Variants in KYNU observed in about 807,000 individuals in gnomAD.
The protein encoded by KYNU is L-kynurenine hydrolase.
In KYNU, 54 loss-of-function variants were observed where a neutral mutation model predicts 59.2. The ratio of observed to expected loss-of-function variants is 0.91; its 90% confidence interval spans 0.73 to 1.14. The LOEUF is 1.14. KYNU is among the 50% of genes most tolerant of loss of function. The probability of loss-of-function intolerance (pLI) is 0.00; values close to 1 mark genes in which losing one functional copy is unlikely to be tolerated. For synonymous variants in KYNU, 177 were observed against 192.0 expected (o/e 0.92, Z 0.65); for missense variants, 567 against 554.4 (o/e 1.02, Z -0.23).
intron 4 of KYNU, chr2:142,947,303 C>A (rs1683822355): frequency 3.0e-6 from 4 of 1,355,132 alleles, no homozygotes; most frequent in South Asian, 1.3e-5. Flanking sequence ...CACTACACAC[C>A]TGTGTCATAG....
At chr2:142,984,611 T>G (rs1187261539) in intron 8 of KYNU, among the ~76,000 whole-genome samples, 1 of 152,034 alleles carries the variant, frequency 6.6e-6, no homozygotes, top group Non-Finnish European at 1.5e-5. Flanking sequence ...GTCAAGGGTT[T>G]TATGTGTACT....
At chr2:142,976,540 G>A (rs1684887971) in intron 8 of KYNU, among the ~76,000 whole-genome samples, 1 of 152,102 alleles carries the variant, frequency 6.6e-6, no homozygotes, top group South Asian at 2.1e-4. Context: ...AAGGTTTTTT[G>A]TAATGATCGC....
intron 2 of KYNU, among the ~76,000 whole-genome samples, chr2:142,911,752 T>C (rs1239189689): frequency 1.3e-5 from 2 of 152,162 alleles, no homozygotes; most frequent in African/African-American, 4.8e-5. Flanking sequence ...GTTTTTATCA[T>C]GAAGGGATAT....
At chr2:142,972,032 A>G (rs1180984859) in intron 8 of KYNU, among the ~76,000 whole-genome samples, 1 of 152,184 alleles carries the variant, frequency 6.6e-6, no homozygotes, top group African/African-American at 2.4e-5. Context: ...AATAAATCAA[A>G]CAAACTACAT....
chr2:142,973,465 C>A (rs1430652874), intron 8 of KYNU, among the ~76,000 whole-genome samples: 1 of 152,210 alleles, frequency 6.6e-6, no homozygotes, highest in East Asian at 1.9e-4. Context: ...CCCCTTTTAT[C>A]TCCTTCTGGC....
At chr2:143,034,117 T>C (rs377573496) in intron 12 of KYNU, among the ~76,000 whole-genome samples, 2 of 151,440 alleles carry the variant, frequency 1.3e-5, no homozygotes, top group South Asian at 2.1e-4. Flanking sequence ...ATATAGGTTA[T>C]ATAGTATAAA....
rs1489493909 is a variant in KYNU, at chr2:143,040,311, G to C, written c.1042-117G>C. On this transcript the variant is annotated intron_variant, in intron 12 of 13. Coordinates refer to ENST00000264170, the MANE Select transcript of KYNU (RefSeq NM_003937.3). The stretch of plus-strand genomic sequence containing the variant: ...TACACAAAAAGATTATGTAAAGGGA[G>C]ATATTTATTGGAAAGATCAAATATG... 1.4e-5 allele frequency: 10 copies of C among 718,806 alleles called. No homozygotes were observed. The Admixed American group carries it at 1.7e-4, about 12-fold the overall frequency. The allele number at this position is 718,806 out of a possible 1,614,324, so 44.5% of individuals were successfully genotyped here.
chr2:143,022,971 T>G (rs1025201936), intron 10 of KYNU, among the ~76,000 whole-genome samples: 4 of 152,000 alleles, frequency 2.6e-5, no homozygotes, highest in Non-Finnish European at 5.9e-5. Context: ...AACTATTAAT[T>G]TCAGCTTTTT....
chr2:143,026,592 C>T (rs1686571367), intron 10 of KYNU, among the ~76,000 whole-genome samples: 1 of 152,212 alleles, frequency 6.6e-6, no homozygotes, highest in Non-Finnish European at 1.5e-5. Flanking sequence ...GGAGGGAGCG[C>T]ACAGGTGAGC....
At chr2:142,994,240 C>G (rs189056904) in intron 10 of KYNU, among the ~76,000 whole-genome samples, 3 of 151,956 alleles carry the variant, frequency 2.0e-5, no homozygotes, top group Admixed American at 1.3e-4. Flanking sequence ...AGCAGCATTG[C>G]GAGCTGCCTC....
intron 3 of KYNU, among the ~76,000 whole-genome samples, chr2:142,927,079 C>G (rs1451035282): frequency 6.6e-6 from 1 of 152,120 alleles, no homozygotes; most frequent in Non-Finnish European, 1.5e-5. Flanking sequence ...GGGATACTTA[C>G]TAGAATAATA....
intron 10 of KYNU, among the ~76,000 whole-genome samples, chr2:142,991,558 T>G (rs1056246307): frequency 6.6e-6 from 1 of 151,926 alleles, no homozygotes; most frequent in Non-Finnish European, 1.5e-5. Flanking sequence ...CTACAACTTC[T>G]TGGCTTCTCA....
intron 3 of KYNU, among the ~76,000 whole-genome samples, chr2:142,923,030 C>A (rs1388325773): frequency 6.6e-6 from 1 of 152,146 alleles, no homozygotes. Flanking sequence ...ACCTGCCTCC[C>A]ACCTGTTTTA....
At position 143,042,302 on chromosome 2, in the gene KYNU, T is replaced by C. The variant is rs1363132553; in HGVS notation, c.*130T>C. 1.1e-6 allele frequency: 1 copy of C among 919,224 alleles called. No individual in the cohort carries two copies. The highest frequency in any genetic ancestry group is 3.5e-4 in the Middle Eastern group (1 of 2,844). The allele number at this position is 919,224 out of a possible 1,614,324, so 56.9% of individuals were successfully genotyped here. A position where few individuals can be genotyped will look rare whatever the true frequency, so the allele number is the denominator to read the frequency against. ...TGTAACTAACAATAAATAATATACC[T>C]TACAGAAAATCTGATATAATTTTTC... On this transcript the variant is annotated 3_prime_UTR_variant, in exon 14 of 14. Transcript: ENST00000264170.
chr2:142,904,267 T>G (rs1682207386), intron 2 of KYNU, among the ~76,000 whole-genome samples: 1 of 152,228 alleles, frequency 6.6e-6, no homozygotes, highest in Admixed American at 6.5e-5. Flanking sequence ...ATCTATAGGC[T>G]TCTTCCTAGT....
At chr2:142,896,039 T>G (rs1384993215) in intron 2 of KYNU, among the ~76,000 whole-genome samples, 1 of 152,208 alleles carries the variant, frequency 6.6e-6, no homozygotes, top group African/African-American at 2.4e-5. Flanking sequence ...GTTTTTCTTC[T>G]CCCATTTATA....
chr2:142,997,602 G>A (rs1362486305), intron 10 of KYNU, among the ~76,000 whole-genome samples: 1 of 152,154 alleles, frequency 6.6e-6, no homozygotes, highest in Admixed American at 6.5e-5. Context: ...GTAATAAGTT[G>A]CCAAATTAAA....
chr2:142,882,426 C>A (rs1358607129), intron 1 of KYNU, among the ~76,000 whole-genome samples: 2 of 151,932 alleles, frequency 1.3e-5, no homozygotes, highest in Admixed American at 1.3e-4. Context: ...GTTTGCTGCA[C>A]CCATTAACTC....
At chr2:142,924,562 C>A (rs768850539) in intron 3 of KYNU, among the ~76,000 whole-genome samples, 5 of 152,124 alleles carry the variant, frequency 3.3e-5, no homozygotes, top group Non-Finnish European at 5.9e-5. Context: ...ACAGCATGGT[C>A]CTACTTTAAA....
Sources: gnomAD v4.1 joint callset for allele counts (sites outside exome capture counted in the v4.1 genomes callset) on GRCh38, gnomAD v4.1.1 for gene constraint, MANE v1.5 for transcripts, NCBI Gene and HGNC (gene_info 2026-07-23, HGNC 2026-07-21) for gene names.